Variants in CD160 observed in about 807,000 individuals in gnomAD.
CD160 encodes the protein CD160 antigen.
CD160 carries 11 observed loss-of-function variants against 19.2 expected under a neutral mutation model. That is an observed-to-expected ratio of 0.57 (90% CI 0.36 to 0.95). The LOEUF (loss-of-function observed/expected upper bound fraction) is 0.95, where lower values mean the gene tolerates loss of function less well. Among genes scored for constraint, CD160 ranks in the 40% least tolerant of loss-of-function variants. The probability of loss-of-function intolerance (pLI) is 0.01; values close to 1 mark genes in which losing one functional copy is unlikely to be tolerated. For missense variants in CD160, 182 were observed against 213.2 expected (o/e 0.85, Z 0.91); for synonymous variants, 75 against 81.1 (o/e 0.93, Z 0.40).
intron 5 of CD160, chr1:145,736,439 A>G (rs781988245): frequency 6.1e-5 from 30 of 495,852 alleles, no homozygotes; most frequent in Non-Finnish European, 8.4e-5. Flanking sequence ...GAGGGCTACA[A>G]GTTGAAGCAA....
intron 2 of CD160, among the ~76,000 whole-genome samples, chr1:145,726,396 C>A (rs587647152): frequency 6.6e-6 from 1 of 152,284 alleles, no homozygotes; most frequent in South Asian, 2.1e-4. Context: ...GAATACTATG[C>A]AGCCATAAAA....
chr1:145,733,139 TC>T (rs1657359684), intron 4 of CD160, among the ~76,000 whole-genome samples: 1 of 152,134 alleles, frequency 6.6e-6, no homozygotes, highest in Non-Finnish European at 1.5e-5. Flanking sequence ...TTTTTCTTTT[TC>T]TTTGATTTTT....
Position 145,736,073 on chromosome 1 carries a change from T to C in CD160, c.477T>C (p.Ser159=). 4 of 1,614,112 alleles carry C rather than the reference T, an allele frequency of 2.5e-6. No individual in the cohort carries two copies. Among genetic ancestry groups the C allele is most frequent in the Non-Finnish European group, 3.4e-6 (4 of 1,179,962 alleles). ...LEFSHNEGTL[S]SGFLQEKVWV... ...TCAGCCATAATGAAGGCACTCTCAG[T>C]TCAGGCTTCCTACAAGAAAAGGTCT... The change falls in exon 5 of 6, where the codon AGT becomes AGC. Residue 159 remains serine, a synonymous_variant. Coordinates refer to ENST00000369288, the MANE Select transcript of CD160 (RefSeq NM_007053.4).
intron 5 of CD160, chr1:145,737,424 G>C (rs1444095326): frequency 6.6e-6 from 1 of 151,890 alleles, no homozygotes; most frequent in Non-Finnish European, 1.5e-5. Flanking sequence ...CCAGAAACAG[G>C]ACCACCTAAA....
In CD160 at chr1:145,731,063, A is replaced by G. The variant is rs1487957566; in HGVS notation, c.393A>G (p.Leu131=). ...IRLQGHFFSI[L]FTETGNYTVT... is the part of the protein sequence containing the mutation. ...TTCAGGGCCATTTTTTCTCCATTCTATTCACAGGTGAGTGCTCAAATACTC... is the reference window on the plus strand; with the variant it reads ...TTCAGGGCCATTTTTTCTCCATTCTGTTCACAGGTGAGTGCTCAAATACTC... The change falls in exon 4 of 6, where the codon CTA becomes CTG. Residue 131 remains leucine, a synonymous_variant. Coordinates refer to ENST00000369288, the MANE Select transcript of CD160 (RefSeq NM_007053.4). 16 of 1,613,038 alleles carry G rather than the reference A, an allele frequency of 9.9e-6. No individual in the cohort carries two copies. Among genetic ancestry groups the G allele is most frequent in the African/African-American group, 4.0e-5 (3 of 74,880 alleles).
In CD160 at chr1:145,738,624, C is replaced by G. The variant is rs1276498361; in HGVS notation, c.*131C>G. The G allele has an allele frequency of 1.8e-6, 1 of 549,796 alleles. No homozygotes were observed. The highest frequency in any genetic ancestry group is 3.0e-6 in the Non-Finnish European group (1 of 333,478). 34.1% of individuals were successfully genotyped at this position (549,796 alleles called of 1,614,324 possible). On this transcript the variant is annotated 3_prime_UTR_variant, in exon 6 of 6. Transcript: ENST00000369288. ...ACAGGGGAAGAGATGCTAAATATAC[C>G]AAGAATCTGTGGAAATATAAGCTGG... is the stretch of plus-strand genomic sequence containing the variant.
intron 3 of CD160, among the ~76,000 whole-genome samples, chr1:145,730,288 C>G (rs1553708925): frequency 6.6e-6 from 1 of 152,134 alleles, no homozygotes. Context: ...CCACTGCCCT[C>G]CAGCCTGGGT....
intron 4 of CD160, among the ~76,000 whole-genome samples, chr1:145,733,172 G>C (rs1657361205): frequency 6.6e-6 from 1 of 151,516 alleles, no homozygotes; most frequent in Non-Finnish European, 1.5e-5. Flanking sequence ...CTCACTCTGT[G>C]GTCCGGGCTG....
chr1:145,721,726 T>C (rs1656857335), intron 1 of CD160, among the ~76,000 whole-genome samples: 1 of 151,584 alleles, frequency 6.6e-6, no homozygotes, highest in Non-Finnish European at 1.5e-5. Flanking sequence ...CCAGATCTCC[T>C]CAGCCCATTC....
rs1553710227 is a variant in CD160 at position 145,736,452 on chromosome 1, G to C, written c.538+318G>C. On this transcript the variant is annotated intron_variant, in intron 5 of 5. Coordinates refer to ENST00000369288, the MANE Select transcript of CD160 (RefSeq NM_007053.4). ...CAGAGGGCTACAAGTTGAAGCAACAGATTTTCAGCTATTAGAGGAAGAAAA... is the reference window on the plus strand; with the variant it reads ...CAGAGGGCTACAAGTTGAAGCAACACATTTTCAGCTATTAGAGGAAGAAAA... 3 of 451,794 alleles carry C rather than the reference G, an allele frequency of 6.6e-6. No homozygotes were observed. In the Admixed American group the frequency reaches 1.1e-4, roughly 17 times the overall value. The allele number at this position is 451,794 out of a possible 1,614,324, so 28.0% of individuals were successfully genotyped here. A position where few individuals can be genotyped will look rare whatever the true frequency, so the allele number is the denominator to read the frequency against.
chr1:145,720,261 T>C (rs977194235), intron 1 of CD160, among the ~76,000 whole-genome samples: 35 of 152,266 alleles, frequency 2.3e-4, no homozygotes, highest in African/African-American at 8.4e-4. Flanking sequence ...ATTCTTCTAA[T>C]GTTTTGACAA....
chr1:145,728,448 C>A, intron 3 of CD160, 48 bp downstream of exon 3: 3 of 1,204,874 alleles, frequency 2.5e-6, no homozygotes, highest in Non-Finnish European at 3.7e-6. Flanking sequence ...GGATCCTGGG[C>A]TTGTGGGAAG....
rs1458245241 is a variant in CD160, at chr1:145,729,279, C to T, written c.73+879C>T. On this transcript the variant is annotated intron_variant, in intron 3 of 5. Transcript: ENST00000369288. ...GGGGCAGCCTCCATCTCTGCCTCTT[C>T]ACCGTTTTCATGAGAGTGAATTTAG... 2.6e-5 allele frequency among the ~76,000 whole-genome samples: 4 copies of T among 152,258 alleles called. No individual in the cohort carries two copies. The Middle Eastern group carries it at 0.014, about 518-fold the overall frequency.
At chr1:145,731,180 A>G in intron 4 of CD160, 110 bp downstream of exon 4, 1 of 817,230 alleles carries the variant, frequency 1.2e-6, no homozygotes, top group Non-Finnish European at 2.0e-6. Context: ...CTTCTTCCTC[A>G]ATCCTTTTCC....
chr1:145,735,359 G>A (rs1657439295), intron 4 of CD160, among the ~76,000 whole-genome samples: 1 of 152,110 alleles, frequency 6.6e-6, no homozygotes, highest in South Asian at 2.1e-4. Context: ...GCCAAGGCAG[G>A]TGCATCACTT....
chr1:145,736,011 A>G lies in CD160; in HGVS notation c.415A>G (p.Thr139Ala). The G allele has an allele frequency of 6.2e-6, 10 of 1,612,972 alleles. No individual in the cohort carries two copies. The highest frequency in any genetic ancestry group is 8.5e-6 in the Non-Finnish European group (10 of 1,179,028). The change falls in exon 5 of 6, where the codon ACA (threonine) becomes GCA (alanine). Residue 139 changes from threonine (T) to alanine (A), a missense_variant. Physicochemically the swap from Thr to Ala is moderately conservative, Grantham distance 58 (BLOSUM62 0). Transcript: ENST00000369288. ...SILFTETGNY[T>A]VTGLKQRQHL... is the part of the protein sequence containing the mutation. ...TTTTGAACCAGAGACAGGGAACTACACAGTGACGGGATTGAAACAAAGACA... is the reference window on the plus strand; with the variant it reads ...TTTTGAACCAGAGACAGGGAACTACGCAGTGACGGGATTGAAACAAAGACA...
intron 1 of CD160, among the ~76,000 whole-genome samples, chr1:145,721,248 C>A (rs1656832556): frequency 6.6e-6 from 1 of 152,208 alleles, no homozygotes; most frequent in Admixed American, 6.5e-5. Context: ...CCCATGCTCG[C>A]TGGATGGCCC....
rs199843360 is a variant in CD160 at position 145,736,238 on chromosome 1, G to A, written c.538+104G>A. 8.3e-4 allele frequency: 1,306 copies of A among 1,577,496 alleles called. 1 individual carries two copies. Among genetic ancestry groups the A allele is most frequent in the Non-Finnish European group, 1.0e-3 (1,175 of 1,160,912 alleles). On this transcript the variant is annotated intron_variant, in intron 5 of 5. Transcript: ENST00000369288. The stretch of plus-strand genomic sequence containing the variant: ...GGAGAAGGTTGGAAAGGATGTCCAG[G>A]GGGAGAGAAAAATGTTACTCAAGCC...
At chr1:145,721,783 A>C (rs1163643177) in intron 1 of CD160, among the ~76,000 whole-genome samples, 1 of 152,160 alleles carries the variant, frequency 6.6e-6, no homozygotes, top group Non-Finnish European at 1.5e-5. Flanking sequence ...AGCTCCCGAG[A>C]GCCCACAAAC....
Sources: gnomAD v4.1 joint callset for allele counts (sites outside exome capture counted in the v4.1 genomes callset) on GRCh38, gnomAD v4.1.1 for gene constraint, MANE v1.5 for transcripts, NCBI Gene and HGNC (gene_info 2026-07-23, HGNC 2026-07-21) for gene names.